STON1: variants seen among roughly 807,000 people sequenced by gnomAD.
The protein encoded by STON1 is stonin 1, also known as stonin-1.
In STON1, 79 loss-of-function variants were observed where a neutral mutation model predicts 60.9. The ratio of observed to expected loss-of-function variants is 1.30; its 90% confidence interval spans 1.08 to 1.56. The LOEUF is 1.56. STON1 is among the 40% of genes most tolerant of loss of function. The pLI is 0.00. For synonymous variants in STON1, 363 were observed against 306.9 expected (o/e 1.18, Z -1.91); for missense variants, 1,166 against 858.9 (o/e 1.36, Z -4.47).
chr2:48,578,791 A>G (rs774888680), intron 1 of STON1, among the ~76,000 whole-genome samples: 1 of 151,742 alleles, frequency 6.6e-6, no homozygotes, highest in Non-Finnish European at 1.5e-5. Context: ...GGGTTTTGCC[A>G]TGTTGGCCAG....
chr2:48,548,705 G>A (rs1382733946), intron 1 of STON1, among the ~76,000 whole-genome samples: 1 of 151,878 alleles, frequency 6.6e-6, no homozygotes, highest in Non-Finnish European at 1.5e-5. Flanking sequence ...TCACCATGTT[G>A]CCCAGGCTGG....
chr2:48,530,700 C>G (rs1330862528), intron 1 of STON1: 1 of 152,536 alleles, frequency 6.6e-6, no homozygotes, highest in Non-Finnish European at 1.5e-5. Context: ...CTCCCCGCTC[C>G]CTGGTACCTC....
rs1673931148 is a variant in STON1 at position 48,582,243 on chromosome 2, A to G, written c.1610A>G (p.Gln537Arg). ...TCCTTGAAGTCTGTAGTGGTTGTCC[A>G]GGGAGCATACGTGGAACTTCAGGCT... is the stretch of plus-strand genomic sequence containing the variant. ...PFSLKSVVVVQGAYVELQAFV... is the reference protein window; with the variant it reads ...PFSLKSVVVVRGAYVELQAFV... Residue 537 changes from glutamine (Q) to arginine (R), a missense_variant, in exon 2 of 4, where the codon CAG becomes CGG. Coordinates refer to ENST00000404752, the MANE Select transcript of STON1 (RefSeq NM_006873.4). The G allele has an allele frequency of 6.2e-7, 1 of 1,614,090 alleles. No homozygotes were observed. Among genetic ancestry groups the G allele is most frequent in the South Asian group, 1.1e-5 (1 of 91,082 alleles).
intron 1 of STON1, among the ~76,000 whole-genome samples, chr2:48,559,150 C>T (rs1672506542): frequency 6.6e-6 from 1 of 152,172 alleles, no homozygotes. Context: ...GTAACAAGAG[C>T]TTCTATTTAA....
chr2:48,540,758 T>C (rs1185258612), intron 1 of STON1, among the ~76,000 whole-genome samples: 1 of 152,204 alleles, frequency 6.6e-6, no homozygotes, highest in African/African-American at 2.4e-5. Context: ...GTGACTGGCA[T>C]GTGGGGAGGG....
intron 1 of STON1, among the ~76,000 whole-genome samples, chr2:48,554,262 C>T (rs1449002935): frequency 2.0e-5 from 3 of 152,098 alleles, no homozygotes; most frequent in Admixed American, 1.3e-4. Flanking sequence ...CTCTTTGTCG[C>T]CCGAGCTGGA....
intron 1 of STON1, among the ~76,000 whole-genome samples, chr2:48,550,890 C>G (rs1449868977): frequency 6.6e-6 from 1 of 151,924 alleles, no homozygotes; most frequent in Non-Finnish European, 1.5e-5. Flanking sequence ...AACTGAAATT[C>G]AACTTGAGTC....
rs574594384 is a variant in STON1 at position 48,562,565 on chromosome 2, C to T, written c.-47-18022C>T. ...ACTTTACAGAAAAGCAAAGTGAGGC[C>T]AAAAGATACGAAGCAACACTGCCTC... On this transcript the variant is annotated intron_variant, in intron 1 of 3. Transcript: ENST00000404752. Among the ~76,000 whole-genome samples the T allele has an allele frequency of 3.3e-5, 5 of 152,190 alleles. No individual in the cohort carries two copies. In the South Asian group the frequency reaches 8.3e-4, roughly 25 times the overall value.
At chr2:48,570,842 A>ATTT (rs1673163815) in intron 1 of STON1, among the ~76,000 whole-genome samples, 1 of 101,812 alleles carries the variant, frequency 9.8e-6, no homozygotes, top group Admixed American at 1.1e-4. Flanking sequence ...ACTGTCTCTG[A>ATTT]GTTTTTTTTT....
At position 48,564,480 on chromosome 2, in the gene STON1, TTTCTTCTTCTTCTTC is replaced by T. The variant is rs869188236; in HGVS notation, c.-47-16033_-47-16019del. Reference sequence around the variant, plus strand: ...CTTCTTCTTCTTCTTCTTCTTCTTCTTTCTTCTTCTTCTTCTTCTTCTTCTTCTTCTTCTTCTTCT... The same window carrying T: ...CTTCTTCTTCTTCTTCTTCTTCTTCTTTCTTCTTCTTCTTCTTCTTCTTCT... On this transcript the variant is annotated intron_variant, in intron 1 of 3. Coordinates refer to ENST00000404752, the MANE Select transcript of STON1 (RefSeq NM_006873.4). 2.9e-3 allele frequency among the ~76,000 whole-genome samples: 94 copies of T among 32,468 alleles called. 1 individual carries two copies. The highest frequency in any genetic ancestry group is 3.2e-3 in the Non-Finnish European group (49 of 15,494). 21.3% of individuals were successfully genotyped at this position (32,468 alleles called of 152,430 possible).
chr2:48,557,199 G>C (rs1672409262), intron 1 of STON1, among the ~76,000 whole-genome samples: 1 of 77,170 alleles, frequency 1.3e-5, no homozygotes, highest in South Asian at 6.8e-4. Context: ...CCGGGCGGAG[G>C]GGCTCCTCAC....
chr2:48,577,374 A>C (rs929082624), intron 1 of STON1, among the ~76,000 whole-genome samples: 2 of 151,812 alleles, frequency 1.3e-5, no homozygotes, highest in African/African-American at 4.8e-5. Context: ...CGAGGTCGGG[A>C]GTTTGAGACC....
rs1231894556 is a variant in STON1 at position 48,596,659 on chromosome 2, G to C, written c.*1357G>C. 6.6e-6 allele frequency: 1 copy of C among 151,912 alleles called. No homozygotes were observed. The highest frequency in any genetic ancestry group is 1.5e-5 in the Non-Finnish European group (1 of 67,994). 9.4% of individuals were successfully genotyped at this position (151,912 alleles called of 1,614,324 possible). On this transcript the variant is annotated 3_prime_UTR_variant, in exon 4 of 4. Transcript: ENST00000404752. ...CAACATTTATGTGTTGGCCTACAGA[G>C]TTTATTTCATGTGTTTTTTTTAATA...
chr2:48,532,255 G>C (rs1288723781), intron 1 of STON1, among the ~76,000 whole-genome samples: 1 of 151,720 alleles, frequency 6.6e-6, no homozygotes, highest in Admixed American at 6.6e-5. Flanking sequence ...AGGTTGAGGC[G>C]GAAGAATCGT....
intron 2 of STON1, among the ~76,000 whole-genome samples, chr2:48,584,732 G>A (rs1674103447): frequency 1.3e-5 from 2 of 152,172 alleles, no homozygotes. Flanking sequence ...TAGCCAGAGG[G>A]AAGAACACTG....
At chr2:48,548,866 T>G (rs1184465496) in intron 1 of STON1, among the ~76,000 whole-genome samples, 1 of 152,222 alleles carries the variant, frequency 6.6e-6, no homozygotes, top group African/African-American at 2.4e-5. Flanking sequence ...ACATTTTTAC[T>G]GCACAGTGTT....
In STON1 at chr2:48,582,373, G is replaced by A; in HGVS notation, c.1740G>A (p.Lys580=). The A allele has an allele frequency of 6.2e-7, 1 of 1,614,144 alleles. No homozygotes were observed. Among genetic ancestry groups the A allele is most frequent in the South Asian group, 1.1e-5 (1 of 91,076 alleles). ...IHFPVPSQWI[K]ALWTMNLQRQ... ...TTCCTGTCCCATCGCAGTGGATCAA[G>A]GCCCTTTGGACCATGAACCTCCAGA... The change falls in exon 2 of 4, where the codon AAG becomes AAA. Residue 580 remains lysine (K), a synonymous_variant. Coordinates refer to ENST00000404752, the MANE Select transcript of STON1 (RefSeq NM_006873.4).
At chr2:48,538,611 T>C (rs1671524549) in intron 1 of STON1, among the ~76,000 whole-genome samples, 1 of 152,006 alleles carries the variant, frequency 6.6e-6, no homozygotes, top group African/African-American at 2.4e-5. Context: ...TCTTATTTAT[T>C]TATTTAAGAC....
At chr2:48,573,003 C>T (rs1408256417) in intron 1 of STON1, among the ~76,000 whole-genome samples, 1 of 152,250 alleles carries the variant, frequency 6.6e-6, no homozygotes, top group Non-Finnish European at 1.5e-5. Flanking sequence ...CAGCAAATGA[C>T]AACAGTGAGT....
Sources: allele counts gnomAD v4.1 joint callset (sites outside exome capture counted in the v4.1 genomes callset), GRCh38; gene constraint gnomAD v4.1.1; transcripts MANE v1.5; gene names NCBI Gene and HGNC (gene_info 2026-07-23, HGNC 2026-07-21).